The following NUDT3 variants were observed in gnomAD, a reference collection of about 807,000 sequenced individuals.
NUDT3 encodes nudix hydrolase 3, also known as diphosphoinositol polyphosphate phosphohydrolase 1.
A neutral mutation model predicts 23.6 loss-of-function variants in NUDT3; 9 were observed. The ratio of observed to expected loss-of-function variants is 0.38; its 90% CI spans 0.23 to 0.66. The LOEUF is 0.66. Among genes scored for constraint, NUDT3 ranks in the 30% least tolerant of loss-of-function variants. NUDT3 has a pLI of 0.52. For missense variants in NUDT3, 172 were observed against 218.5 expected (o/e 0.79, Z 1.34); for synonymous variants, 86 against 82.6 (o/e 1.04, Z -0.22).
rs1192178733 is a variant in NUDT3, at chr6:34,282,749, G to C, written c.*6004C>G. ...AACCTGGCAAAACGACAATGCTGCT[G>C]TTTTTGTATCCTTTAAAGCCTATAT... On this transcript the variant is annotated 3_prime_UTR_variant, in exon 5 of 5. Transcript: ENST00000607016. The C allele has an allele frequency of 2.0e-5, 3 of 152,110 alleles. No homozygotes were observed. The highest frequency in any genetic ancestry group is 4.4e-5 in the Non-Finnish European group (3 of 68,016). The allele number at this position is 152,110 out of a possible 1,614,324, so 9.4% of individuals were successfully genotyped here. A position where few individuals can be genotyped will look rare whatever the true frequency, so the allele number is the denominator to read the frequency against.
intron 1 of NUDT3, among the ~76,000 whole-genome samples, chr6:34,384,429 T>G (rs1047155309): frequency 1.3e-5 from 2 of 152,158 alleles, no homozygotes; most frequent in African/African-American, 4.8e-5. Flanking sequence ...ACAGACCCGT[T>G]AGGAGCAGCT....
chr6:34,366,506 A>AGGGG (rs1764736321), intron 1 of NUDT3, among the ~76,000 whole-genome samples: 1 of 23,288 alleles, frequency 4.3e-5, no homozygotes, highest in African/African-American at 1.7e-4. Context: ...GGAGGGAGGG[A>AGGGG]GGGAGGGAGA....
chr6:34,310,196 G>T (rs962615132), intron 2 of NUDT3, among the ~76,000 whole-genome samples: 1 of 152,132 alleles, frequency 6.6e-6, no homozygotes, highest in Admixed American at 6.6e-5. Flanking sequence ...TTGTACCACT[G>T]CACGCCAGCC....
intron 1 of NUDT3, among the ~76,000 whole-genome samples, chr6:34,368,954 T>C (rs539344819): frequency 8.9e-4 from 136 of 152,280 alleles, no homozygotes; most frequent in African/African-American, 3.1e-3. Context: ...TAGCTCTGTT[T>C]AATAAGTAAT....
chr6:34,342,610 G>C (rs932499767), intron 1 of NUDT3, among the ~76,000 whole-genome samples: 4 of 152,182 alleles, frequency 2.6e-5, no homozygotes, highest in African/African-American at 7.2e-5. Context: ...CAGCATTCTG[G>C]TCAGAGTTGA....
In NUDT3 at chr6:34,281,837, G is replaced by C. The variant is rs1419962208; in HGVS notation, c.*6916C>G. The stretch of plus-strand genomic sequence containing the variant: ...TGAGCAAACATGCTCCCAGTCACGA[G>C]GGATGGGGTGAGCGGGCAGGTTTCT... On this transcript the variant is annotated 3_prime_UTR_variant, in exon 5 of 5. Coordinates refer to ENST00000607016, the MANE Select transcript of NUDT3 (RefSeq NM_006703.4). 6.6e-6 allele frequency: 1 copy of C among 152,230 alleles called. No homozygotes were observed. The highest frequency in any genetic ancestry group is 1.5e-5 in the Non-Finnish European group (1 of 68,054). The allele number at this position is 152,230 out of a possible 1,614,324, so 9.4% of individuals were successfully genotyped here. A position where few individuals can be genotyped will look rare whatever the true frequency, so the allele number is the denominator to read the frequency against.
rs6911272 is a variant in NUDT3, at chr6:34,329,185, C to G, written c.210+12677G>C. Among the ~76,000 whole-genome samples, 481 of 152,146 alleles carry G rather than the reference C, an allele frequency of 3.2e-3. 1 individual carries two copies. The highest frequency in any genetic ancestry group is 6.8e-3 in the Middle Eastern group (2 of 294). On this transcript the variant is annotated intron_variant, in intron 2 of 4. Coordinates refer to ENST00000607016, the MANE Select transcript of NUDT3 (RefSeq NM_006703.4). ...TACCATATGGAGCCTTCTGGTTGCT[C>G]TGTGTGTGTTGTGTATATATATAGA...
chr6:34,359,612 T>C (rs1764617130), intron 1 of NUDT3, among the ~76,000 whole-genome samples: 1 of 152,222 alleles, frequency 6.6e-6, no homozygotes, highest in Non-Finnish European at 1.5e-5. Flanking sequence ...CCTCATTCCT[T>C]ATAGCTGAAT....
intron 2 of NUDT3, 51 bp downstream of exon 2, chr6:34,341,811 A>G: frequency 6.5e-7 from 1 of 1,538,984 alleles, no homozygotes; most frequent in Non-Finnish European, 8.9e-7. Context: ...CACAGATAGG[A>G]CAGGTTCATG....
chr6:34,330,227 T>G (rs1332684965), intron 2 of NUDT3, among the ~76,000 whole-genome samples: 2 of 152,232 alleles, frequency 1.3e-5, no homozygotes, highest in Non-Finnish European at 2.9e-5. Flanking sequence ...ATCACCATGC[T>G]GTCTTCCACA....
At chr6:34,366,933 C>T (rs994640623) in intron 1 of NUDT3, among the ~76,000 whole-genome samples, 1 of 152,074 alleles carries the variant, frequency 6.6e-6, no homozygotes, top group African/African-American at 2.4e-5. Context: ...CACTCTGTCG[C>T]CTAGGCTGGA....
At chr6:34,342,071 C>T (rs1339039364) in intron 1 of NUDT3, 99 bp from the exon 2 acceptor site, 3 of 1,075,372 alleles carry the variant, frequency 2.8e-6, no homozygotes, top group Non-Finnish European at 2.6e-6. Flanking sequence ...GTAACCAAGA[C>T]CCATTCTTTG....
chr6:34,337,556 G>C (rs1437631537), intron 2 of NUDT3, among the ~76,000 whole-genome samples: 1 of 152,114 alleles, frequency 6.6e-6, no homozygotes, highest in South Asian at 2.1e-4. Context: ...GGAAACAAAA[G>C]TACAATACCC....
chr6:34,353,118 CAT>C (rs917734063), intron 1 of NUDT3, among the ~76,000 whole-genome samples: 4 of 152,258 alleles, frequency 2.6e-5, no homozygotes, highest in Middle Eastern at 3.4e-3. Flanking sequence ...GATATTCTAA[CAT>C]ATGAGTATAA....
intron 2 of NUDT3, among the ~76,000 whole-genome samples, chr6:34,310,516 G>A (rs1334196103): frequency 6.6e-6 from 1 of 152,046 alleles, no homozygotes; most frequent in African/African-American, 2.4e-5. Context: ...GCAACAGAGT[G>A]AGACTCTGTC....
chr6:34,379,190 A>C (rs777265618), intron 1 of NUDT3, among the ~76,000 whole-genome samples: 14 of 152,096 alleles, frequency 9.2e-5, no homozygotes, highest in Non-Finnish European at 1.2e-4. Context: ...AATGTTTCAA[A>C]ATAAAATTTA....
chr6:34,331,040 A>C (rs1764119680), intron 2 of NUDT3, among the ~76,000 whole-genome samples: 1 of 152,138 alleles, frequency 6.6e-6, no homozygotes, highest in Non-Finnish European at 1.5e-5. Context: ...CTTTTAGTAG[A>C]GATGGGGTTT....
At chr6:34,389,483 C>T (rs539083031) in intron 1 of NUDT3, among the ~76,000 whole-genome samples, 14 of 152,170 alleles carry the variant, frequency 9.2e-5, no homozygotes, top group Admixed American at 7.2e-4. Flanking sequence ...GACTAATACA[C>T]CCTGTCTCTA....
chr6:34,325,757 T>C (rs536966441), intron 2 of NUDT3, among the ~76,000 whole-genome samples: 20 of 152,334 alleles, frequency 1.3e-4, no homozygotes, highest in African/African-American at 4.1e-4. Flanking sequence ...TTATATATTG[T>C]AGTGCTGTGA....
Sources: gnomAD v4.1 joint callset for allele counts (sites outside exome capture counted in the v4.1 genomes callset) on GRCh38, gnomAD v4.1.1 for gene constraint, MANE v1.5 for transcripts, NCBI Gene and HGNC (gene_info 2026-07-23, HGNC 2026-07-21) for gene names.